Variants in RABEP1 observed in about 807,000 individuals in gnomAD.
The protein encoded by RABEP1 is rabaptin, RAB GTPase binding effector protein 1, also known as rab GTPase-binding effector protein 1.
RABEP1 carries 51 observed loss-of-function variants against 123.4 expected under a neutral mutation model. The ratio of observed to expected loss-of-function variants is 0.41; its 90% CI spans 0.33 to 0.52. The LOEUF is 0.52. Ranked by LOEUF, RABEP1 falls within the 20% of genes least tolerant of loss-of-function variation. The probability of loss-of-function intolerance (pLI) is 0.16; values close to 1 mark genes in which losing one functional copy is unlikely to be tolerated. For synonymous variants in RABEP1, 347 were observed against 355.2 expected (o/e 0.98, Z 0.26); for missense variants, 888 against 996.3 (o/e 0.89, Z 1.46).
chr17:5,367,372 A>T (rs548269578), intron 11 of RABEP1, among the ~76,000 whole-genome samples: 48 of 151,562 alleles, frequency 3.2e-4, no homozygotes, highest in Non-Finnish European at 6.0e-4. Context: ...CCCAGGTTCA[A>T]GCGATTCTCC....
intron 1 of RABEP1, among the ~76,000 whole-genome samples, chr17:5,289,738 A>G (rs376544008): frequency 1.5e-3 from 221 of 152,166 alleles, no homozygotes; most frequent in African/African-American, 5.0e-3. Context: ...TTCTGAATAG[A>G]TAGATAGTTG....
chr17:5,287,987 A>G (rs1255487521), intron 1 of RABEP1, among the ~76,000 whole-genome samples: 2 of 152,104 alleles, frequency 1.3e-5, no homozygotes, highest in African/African-American at 2.4e-5. Flanking sequence ...AAGATGTTGA[A>G]GCTTGGACCA....
intron 1 of RABEP1, among the ~76,000 whole-genome samples, chr17:5,294,092 C>T (rs573395484): frequency 8.5e-5 from 13 of 152,224 alleles, no homozygotes; most frequent in African/African-American, 2.6e-4. Flanking sequence ...TACAGTTAGC[C>T]CTCTGTATCT....
chr17:5,351,071 G>A (rs764462840), intron 7 of RABEP1, among the ~76,000 whole-genome samples: 3 of 152,030 alleles, frequency 2.0e-5, no homozygotes, highest in East Asian at 1.9e-4. Flanking sequence ...TATCGTTAGC[G>A]TCAGTGTATT....
At chr17:5,283,027 T>C (rs981399262) in intron 1 of RABEP1, among the ~76,000 whole-genome samples, 27 of 152,212 alleles carry the variant, frequency 1.8e-4, no homozygotes, top group African/African-American at 6.3e-4. Flanking sequence ...TGAATGGCAG[T>C]GTGGCTTAAT....
chr17:5,291,324 T>A (rs1317541856), intron 1 of RABEP1, among the ~76,000 whole-genome samples: 1 of 152,002 alleles, frequency 6.6e-6, no homozygotes, highest in Non-Finnish European at 1.5e-5. Flanking sequence ...GCAGGAGAAT[T>A]GCTTGAGCCT....
At chr17:5,367,772 C>T (rs1249886734) in intron 11 of RABEP1, among the ~76,000 whole-genome samples, 1 of 149,394 alleles carries the variant, frequency 6.7e-6, no homozygotes, top group Non-Finnish European at 1.5e-5. Flanking sequence ...TTTTTAAACC[C>T]GAGATGGAGT....
At chr17:5,378,533 A>G in intron 15 of RABEP1, 1 of 414,240 alleles carries the variant, frequency 2.4e-6, no homozygotes. Flanking sequence ...TTAGAGGTAC[A>G]GTAGAAATAT....
chr17:5,330,418 T>G (rs768254054), intron 2 of RABEP1, among the ~76,000 whole-genome samples: 2 of 152,220 alleles, frequency 1.3e-5, no homozygotes, highest in Non-Finnish European at 2.9e-5. Flanking sequence ...TACCAAATCA[T>G]TAACTCCTGT....
chr17:5,324,344 G>A (rs999771262), intron 2 of RABEP1, among the ~76,000 whole-genome samples: 1 of 151,896 alleles, frequency 6.6e-6, no homozygotes, highest in African/African-American at 2.4e-5. Context: ...GAAAAGGAAA[G>A]TCTCTTCAAT....
intron 8 of RABEP1, chr17:5,356,557 TA>T (rs1909032589): frequency 5.8e-6 from 1 of 173,704 alleles, no homozygotes; most frequent in South Asian, 2.0e-4. Flanking sequence ...TACCCAGAGG[TA>T]ACAACTAATA....
chr17:5,304,012 C>T (rs113974785), intron 1 of RABEP1, among the ~76,000 whole-genome samples: 6 of 145,592 alleles, frequency 4.1e-5, no homozygotes, highest in Non-Finnish European at 7.5e-5. Flanking sequence ...CTAGCCTGGG[C>T]GACAAGAGCG....
chr17:5,358,034 G>A (rs1456964849), intron 8 of RABEP1, among the ~76,000 whole-genome samples: 1 of 152,146 alleles, frequency 6.6e-6, no homozygotes, highest in Admixed American at 6.6e-5. Context: ...TGTGACTTAG[G>A]TAAGGGAGGT....
chr17:5,282,365 G>C lies in RABEP1; in HGVS notation c.-122G>C. On this transcript the variant is annotated 5_prime_UTR_variant, in exon 1 of 18. Coordinates refer to ENST00000537505, the MANE Select transcript of RABEP1 (RefSeq NM_004703.6). ...CGGCGCCGGCGGATCCAGCCTTAGCGGTTTCTCTCTGGGCGGCGGCGGCGG... is the reference window on the plus strand; with the variant it reads ...CGGCGCCGGCGGATCCAGCCTTAGCCGTTTCTCTCTGGGCGGCGGCGGCGG... The C allele has an allele frequency of 1.3e-6, 1 of 787,534 alleles. No individual in the cohort carries two copies. The highest frequency in any genetic ancestry group is 1.8e-5 in the African/African-American group (1 of 54,954). The allele number at this position is 787,534 out of a possible 1,614,324, so 48.8% of individuals were successfully genotyped here. A position where few individuals can be genotyped will look rare whatever the true frequency, so the allele number is the denominator to read the frequency against.
intron 4 of RABEP1, among the ~76,000 whole-genome samples, chr17:5,337,692 CA>C (rs541888260): frequency 0.021 from 3,147 of 146,958 alleles, 50 homozygotes; most frequent in Non-Finnish European, 0.031. Context: ...GACTCCGTCT[CA>C]AAAAAAAAAA....
intron 1 of RABEP1, among the ~76,000 whole-genome samples, chr17:5,303,921 G>A (rs1181834579): frequency 3.3e-5 from 5 of 151,700 alleles, no homozygotes; most frequent in Non-Finnish European, 5.9e-5. Flanking sequence ...TAATCTCAGC[G>A]ACTTGGGAGG....
At chr17:5,305,630 C>G (rs577796922) in intron 1 of RABEP1, among the ~76,000 whole-genome samples, 1 of 152,224 alleles carries the variant, frequency 6.6e-6, no homozygotes, top group South Asian at 2.1e-4. Context: ...TTTGGTTTTT[C>G]TCTTTCCTTG....
At chr17:5,375,687 C>T (rs1263761390) in intron 13 of RABEP1, among the ~76,000 whole-genome samples, 1 of 151,134 alleles carries the variant, frequency 6.6e-6, no homozygotes, top group African/African-American at 2.4e-5. Context: ...GCCTGGGAGA[C>T]AGAGTGAGGA....
At chr17:5,366,371 T>G (rs1401212873) in intron 11 of RABEP1, among the ~76,000 whole-genome samples, 1 of 152,194 alleles carries the variant, frequency 6.6e-6, no homozygotes, top group Non-Finnish European at 1.5e-5. Flanking sequence ...AAAACTGATT[T>G]GTTAGGTGTC....
Sources: allele counts gnomAD v4.1 joint callset (sites outside exome capture counted in the v4.1 genomes callset), GRCh38; gene constraint gnomAD v4.1.1; transcripts MANE v1.5; gene names NCBI Gene and HGNC (gene_info 2026-07-23, HGNC 2026-07-21).